RAB31: variants seen among roughly 807,000 people sequenced by gnomAD.
The protein encoded by RAB31 is ras-related protein Rab-31.
In RAB31, 21 loss-of-function variants were observed where a neutral mutation model predicts 25.6. The ratio of observed to expected loss-of-function variants is 0.82; its 90% confidence interval spans 0.58 to 1.18. RAB31 has a LOEUF of 1.18. Ranked by LOEUF, RAB31 falls within the 50% of genes most tolerant of loss-of-function variation. The pLI, the probability that RAB31 is intolerant of heterozygous loss-of-function variation, is 0.00. For missense variants in RAB31, 196 were observed against 250.1 expected, an observed-to-expected ratio of 0.78 and a Z score of 1.46; for synonymous variants, 87 against 84.0, an observed-to-expected ratio of 1.04 and a Z score of -0.20.
chr18:9,806,128 G>A lies in RAB31; in HGVS notation c.202-7892G>A, dbSNP rs140572735. 4.5e-3 allele frequency among the ~76,000 whole-genome samples: 673 copies of A among 150,764 alleles called. 1 individual carries two copies. Among genetic ancestry groups the A allele is most frequent in the African/African-American group, 0.016 (635 of 40,948 alleles). On this transcript the variant is annotated intron_variant, in intron 3 of 6. Transcript: ENST00000578921. ...GGAGGCGGAGCTTGCAGTGAGCCGA[G>A]ATGGCGCCAGTGCACTCCAGCCTGG...
intron 1 of RAB31, among the ~76,000 whole-genome samples, chr18:9,764,946 T>C (rs1407220944): frequency 7.9e-6 from 1 of 126,242 alleles, no homozygotes; most frequent in Non-Finnish European, 1.7e-5. Context: ...CACCTTTTTC[T>C]TTCTTTCTTT....
chr18:9,800,795 T>A (rs74611310), intron 3 of RAB31, among the ~76,000 whole-genome samples: 11,616 of 152,224 alleles, frequency 0.076, 460 homozygotes, highest in East Asian at 0.11. Context: ...CCTTTTTTTT[T>A]ATTTAAAAAC....
At chr18:9,784,666 C>T (rs1335368670) in intron 2 of RAB31, among the ~76,000 whole-genome samples, 1 of 151,590 alleles carries the variant, frequency 6.6e-6, no homozygotes, top group Non-Finnish European at 1.5e-5. Flanking sequence ...GATTCTCCTG[C>T]CTCAGTCCCC....
chr18:9,814,086 A>C lies in RAB31; in HGVS notation c.268A>C (p.Lys90Gln), dbSNP rs545801606. 4 of 1,572,592 alleles carry C rather than the reference A, an allele frequency of 2.5e-6. No individual in the cohort carries two copies. The highest frequency in any genetic ancestry group is 4.5e-5 in the East Asian group (2 of 44,304). ...AGCTGTTATCGTGTATGATATTACCAAGCAGGTAAGAATGTCTCCTTCAGA... is the reference window on the plus strand; with the variant it reads ...AGCTGTTATCGTGTATGATATTACCCAGCAGGTAAGAATGTCTCCTTCAGA... ...AAAVIVYDIT[K>Q]QDSFYTLKKW... Residue 90 changes from lysine (K) to glutamine (Q), a missense_variant, in exon 4 of 7, where the codon AAG becomes CAG. Lys to Gln is a moderately conservative substitution (Grantham distance 53, BLOSUM62 1). Transcript: ENST00000578921.
chr18:9,821,257 A>G (rs745967332), intron 5 of RAB31, among the ~76,000 whole-genome samples: 29 of 152,034 alleles, frequency 1.9e-4, no homozygotes, highest in Admixed American at 1.2e-3. Flanking sequence ...ATGGCTTAGT[A>G]TATGGTCTGT....
chr18:9,809,969 G>A (rs2068562414), intron 3 of RAB31, among the ~76,000 whole-genome samples: 2 of 152,214 alleles, frequency 1.3e-5, no homozygotes, highest in Admixed American at 1.3e-4. Flanking sequence ...CCAAGAGCCT[G>A]AAGAAGGCCG....
At chr18:9,728,073 A>G (rs762177091) in intron 1 of RAB31, among the ~76,000 whole-genome samples, 33 of 152,226 alleles carry the variant, frequency 2.2e-4, no homozygotes, top group African/African-American at 6.3e-4. Flanking sequence ...ACCTTTCTCT[A>G]CTAATGTCTT....
At chr18:9,790,382 G>C (rs756946257) in intron 2 of RAB31, among the ~76,000 whole-genome samples, 1 of 150,314 alleles carries the variant, frequency 6.7e-6, no homozygotes, top group Non-Finnish European at 1.5e-5. Context: ...GTGCCATAAT[G>C]CTCAGCTGAT....
intron 1 of RAB31, among the ~76,000 whole-genome samples, chr18:9,772,532 G>T (rs115988371): frequency 0.013 from 2,050 of 152,324 alleles, 40 homozygotes; most frequent in African/African-American, 0.046. Context: ...CGCCAATGGG[G>T]TCTAGCCTGC....
rs145294854 is a variant in RAB31, at chr18:9,709,766, TA to T, written c.39+1323del. Among the ~76,000 whole-genome samples the T allele has an allele frequency of 2.7e-3, 411 of 152,358 alleles. 11 individuals carry two copies. In the East Asian group the frequency reaches 0.064, roughly 24 times the overall value. ...GACTTGCTCAGCCACAGCCAGGATC[TA>T]GTCTGGTCTTTCTCTGTTGACCTTT... On this transcript the variant is annotated intron_variant, in intron 1 of 6. Coordinates refer to ENST00000578921, the MANE Select transcript of RAB31 (RefSeq NM_006868.4).
chr18:9,808,622 C>T (rs1568184546), intron 3 of RAB31, among the ~76,000 whole-genome samples: 1 of 152,190 alleles, frequency 6.6e-6, no homozygotes, highest in East Asian at 1.9e-4. Flanking sequence ...TGTTTGAATC[C>T]CAGTGGACCT....
In RAB31 at chr18:9,861,966, T is replaced by C. The variant is rs139704127; in HGVS notation, c.*2641T>C. 1.2e-3 allele frequency: 182 copies of C among 152,744 alleles called. No homozygotes were observed. The highest frequency in any genetic ancestry group is 1.6e-3 in the Non-Finnish European group (107 of 68,022). The allele number at this position is 152,744 out of a possible 1,614,324, so 9.5% of individuals were successfully genotyped here. On this transcript the variant is annotated 3_prime_UTR_variant, in exon 7 of 7. Transcript: ENST00000578921. ...ACATAATTGACTTGCCATTTTATGG[T>C]TAAAAACGGCACATTAGGCAGTTGA...
intron 5 of RAB31, among the ~76,000 whole-genome samples, chr18:9,843,972 A>C (rs1360552696): frequency 6.9e-6 from 1 of 144,612 alleles, no homozygotes; most frequent in Non-Finnish European, 1.5e-5. Context: ...GCTCTGGGGC[A>C]GGTGGAGGAA....
In RAB31 at chr18:9,761,716, G is replaced by A. The variant is rs189751508; in HGVS notation, c.40-13562G>A. On this transcript the variant is annotated intron_variant, in intron 1 of 6. Transcript: ENST00000578921. ...GGCCTCTCTCAGTTCCCTGCCTTGC[G>A]TCCTCTTCATGCATGGCAGCTTGCA... Among the ~76,000 whole-genome samples, 775 of 152,318 alleles carry A rather than the reference G, an allele frequency of 5.1e-3. 3 individuals are homozygous for A. Among genetic ancestry groups the A allele is most frequent in the African/African-American group, 0.016 (682 of 41,558 alleles).
At chr18:9,792,445 A>G (rs2068465573) in intron 3 of RAB31, among the ~76,000 whole-genome samples, 2 of 152,098 alleles carry the variant, frequency 1.3e-5, no homozygotes, top group South Asian at 4.1e-4. Flanking sequence ...AGGTCCCCAA[A>G]TGTGTTGTGA....
At chr18:9,813,713 G>A (rs1243894903) in intron 3 of RAB31, among the ~76,000 whole-genome samples, 1 of 152,146 alleles carries the variant, frequency 6.6e-6, no homozygotes, top group Non-Finnish European at 1.5e-5. Context: ...TGATCCAGAT[G>A]TGGTGGTGCA....
chr18:9,799,776 T>G (rs1055535077), intron 3 of RAB31, among the ~76,000 whole-genome samples: 2 of 152,258 alleles, frequency 1.3e-5, no homozygotes, highest in Admixed American at 6.5e-5. Context: ...GTGCATCTAT[T>G]AACAAAAATG....
rs10685568 is a variant in RAB31 at position 9,731,596 on chromosome 18, C to CTTT, written c.39+23169_39+23171dup. On this transcript the variant is annotated intron_variant, in intron 1 of 6. Coordinates refer to ENST00000578921, the MANE Select transcript of RAB31 (RefSeq NM_006868.4). ...AGATGAGAACCTTTCTGGGAATTTG[C>CTTT]TTTTTTTTTTTTTTTTTTTGAGGCA... is the stretch of plus-strand genomic sequence containing the variant. Among the ~76,000 whole-genome samples the CTTT allele has an allele frequency of 2.5e-3, 272 of 107,610 alleles. 10 individuals carry two copies. The highest frequency in any genetic ancestry group is 3.2e-3 in the African/African-American group (85 of 26,638). 70.6% of individuals were successfully genotyped at this position (107,610 alleles called of 152,430 possible). A position where few individuals can be genotyped will look rare whatever the true frequency, so the allele number is the denominator to read the frequency against.
chr18:9,765,127 A>AT (rs1452358135), intron 1 of RAB31, among the ~76,000 whole-genome samples: 3 of 151,930 alleles, frequency 2.0e-5, no homozygotes, highest in Non-Finnish European at 2.9e-5. Context: ...TGATTTTTGT[A>AT]TTTTTAGTAG....
Sources: gnomAD v4.1 joint callset for allele counts (sites outside exome capture counted in the v4.1 genomes callset) on GRCh38, gnomAD v4.1.1 for gene constraint, MANE v1.5 for transcripts, NCBI Gene and HGNC (gene_info 2026-07-23, HGNC 2026-07-21) for gene names.